DPYSL2: variants seen among roughly 807,000 people sequenced by gnomAD.
DPYSL2 encodes the protein dihydropyrimidinase like 2.
DPYSL2 carries 13 observed loss-of-function variants against 69.9 expected under a neutral mutation model. That is an observed-to-expected ratio of 0.19 (90% CI 0.12 to 0.30). The LOEUF (loss-of-function observed/expected upper bound fraction) is 0.30, where lower values mean the gene tolerates loss of function less well. Ranked by LOEUF, DPYSL2 falls within the 10% of genes least tolerant of loss-of-function variation. The probability of loss-of-function intolerance (pLI) is 1.00; values close to 1 mark genes in which losing one functional copy is unlikely to be tolerated. For missense variants in DPYSL2, 587 were observed against 918.9 expected (o/e 0.64, Z 4.67); for synonymous variants, 326 against 359.1 (o/e 0.91, Z 1.04).
At chr8:26,534,342 G>A (rs903372248) in intron 1 of DPYSL2, among the ~76,000 whole-genome samples, 1 of 151,946 alleles carries the variant, frequency 6.6e-6, no homozygotes, top group Non-Finnish European at 1.5e-5. Flanking sequence ...CACCACACTT[G>A]GCTACATTTT....
At chr8:26,568,296 G>C (rs1801183992) in intron 1 of DPYSL2, among the ~76,000 whole-genome samples, 1 of 152,178 alleles carries the variant, frequency 6.6e-6, no homozygotes, top group South Asian at 2.1e-4. Flanking sequence ...AGCTGGTAAA[G>C]CATTGGTAAA....
chr8:26,614,735 A>G lies in DPYSL2; in HGVS notation c.629-9408A>G, dbSNP rs909896158. On this transcript the variant is annotated intron_variant, in intron 3 of 13. Transcript: ENST00000521913. The surrounding 1 kb of genome is among the most constrained non-coding windows in gnomAD (Gnocchi z 4.9). The stretch of plus-strand genomic sequence containing the variant: ...CTGGTTTAGTTTTAAAAGCAAACTT[A>G]CATTGAACAAAGTGTAGGAAAGAGA... Among the ~76,000 whole-genome samples the G allele has an allele frequency of 6.6e-6, 1 of 152,208 alleles. No homozygotes were observed. Among genetic ancestry groups the G allele is most frequent in the Admixed American group, 6.5e-5 (1 of 15,290 alleles).
chr8:26,639,095 T>C (rs1053827241), intron 8 of DPYSL2, among the ~76,000 whole-genome samples: 2 of 152,236 alleles, frequency 1.3e-5, no homozygotes, highest in African/African-American at 4.8e-5. Context: ...AGACCTCTTA[T>C]GTCCTGTGGG....
chr8:26,527,859 G>C (rs1484670343), intron 1 of DPYSL2, among the ~76,000 whole-genome samples: 1 of 140,944 alleles, frequency 7.1e-6, no homozygotes, highest in Non-Finnish European at 1.5e-5. Context: ...CTGGAGTATA[G>C]TGGCGGGATC....
intron 3 of DPYSL2, among the ~76,000 whole-genome samples, chr8:26,615,614 TCTG>T (rs1015049967): frequency 6.6e-5 from 10 of 152,132 alleles, no homozygotes; most frequent in Middle Eastern, 3.2e-3. Flanking sequence ...CTGAGCACCT[TCTG>T]TATACCAGTC....
intron 3 of DPYSL2, among the ~76,000 whole-genome samples, chr8:26,615,395 C>T (rs1272047178): frequency 6.6e-6 from 1 of 152,164 alleles, no homozygotes; most frequent in African/African-American, 2.4e-5. Context: ...CCCTCCGCAT[C>T]CATTAGGAGG....
At chr8:26,567,691 C>T (rs1024358979) in intron 1 of DPYSL2, among the ~76,000 whole-genome samples, 3 of 152,162 alleles carry the variant, frequency 2.0e-5, no homozygotes, top group Non-Finnish European at 4.4e-5. Flanking sequence ...GTGAGGGGTC[C>T]AAGAGGGCCT....
rs1452665318 is a variant in DPYSL2, at chr8:26,652,707, T to C, written c.1776+271T>C. 6.6e-6 allele frequency among the ~76,000 whole-genome samples: 1 copy of C among 151,740 alleles called. No individual in the cohort carries two copies. The highest frequency in any genetic ancestry group is 6.6e-5 in the Admixed American group (1 of 15,230). On this transcript the variant is annotated intron_variant, in intron 12 of 13. Coordinates refer to ENST00000521913, the MANE Select transcript of DPYSL2 (RefSeq NM_001197293.3). This position sits in a 1 kb window ranked among gnomAD's most constrained non-coding sequence, Gnocchi z 6.3. ...CCAGAGGAGGGAGCCACTGCTGTAGTTGGGGAGAGTGTCATGGGGAGAGGA... is the reference window on the plus strand; with the variant it reads ...CCAGAGGAGGGAGCCACTGCTGTAGCTGGGGAGAGTGTCATGGGGAGAGGA...
intron 3 of DPYSL2, among the ~76,000 whole-genome samples, chr8:26,604,307 C>T (rs1802059720): frequency 6.6e-6 from 1 of 152,158 alleles, no homozygotes; most frequent in African/African-American, 2.4e-5. Context: ...AGTCAGATGG[C>T]CACATTTGCA....
At chr8:26,563,460 T>A (rs916224242) in intron 1 of DPYSL2, among the ~76,000 whole-genome samples, 1 of 152,252 alleles carries the variant, frequency 6.6e-6, no homozygotes, top group Non-Finnish European at 1.5e-5. Flanking sequence ...AGTCCTGAAC[T>A]TAGCTCCCAG....
chr8:26,519,487 T>C (rs1247701703), intron 1 of DPYSL2, among the ~76,000 whole-genome samples: 1 of 152,248 alleles, frequency 6.6e-6, no homozygotes, highest in Non-Finnish European at 1.5e-5. Context: ...TAGAATGTGC[T>C]TTTAAATTCT....
In DPYSL2 at chr8:26,653,159, C is replaced by T. The variant is rs1803312247; in HGVS notation, c.1777-73C>T. 2.0e-6 allele frequency: 3 copies of T among 1,527,272 alleles called. No individual in the cohort carries two copies. The highest frequency in any genetic ancestry group is 1.3e-5 in the South Asian group (1 of 79,184). The allele number at this position is 1,527,272 out of a possible 1,614,324, so 94.6% of individuals were successfully genotyped here. A position where few individuals can be genotyped will look rare whatever the true frequency, so the allele number is the denominator to read the frequency against. ...CCCTAGATCTCACAGGCCCATCCTCCCTCCAGGAGGGTTTCTAGAGAGGTA... is the reference window on the plus strand; with the variant it reads ...CCCTAGATCTCACAGGCCCATCCTCTCTCCAGGAGGGTTTCTAGAGAGGTA... On this transcript the variant is annotated intron_variant, in intron 12 of 13. Transcript: ENST00000521913. This position sits in a 1 kb window ranked among gnomAD's most constrained non-coding sequence, Gnocchi z 5.7.
chr8:26,592,462 GTT>G (rs56357770), intron 3 of DPYSL2, among the ~76,000 whole-genome samples: 12 of 138,998 alleles, frequency 8.6e-5, no homozygotes, highest in East Asian at 6.3e-4. Flanking sequence ...TGGTACATTA[GTT>G]TTTTTTTTTT....
rs538052526 is a variant in DPYSL2, at chr8:26,650,099, A to G, written c.1597-2158A>G. On this transcript the variant is annotated intron_variant, in intron 11 of 13. Coordinates refer to ENST00000521913, the MANE Select transcript of DPYSL2 (RefSeq NM_001197293.3). The surrounding 1 kb of genome is among the most constrained non-coding windows in gnomAD (Gnocchi z 5.3). ...ACAGTGAATGAGTGAAGATTTTCTA[A>G]ATGCCTACTGTGAGCCAAATAGTGA... Among the ~76,000 whole-genome samples the G allele has an allele frequency of 4.3e-4, 65 of 152,324 alleles. No individual in the cohort carries two copies. Among genetic ancestry groups the G allele is most frequent in the African/African-American group, 1.3e-3 (54 of 41,578 alleles).
At chr8:26,563,293 G>A (rs1170378906) in intron 1 of DPYSL2, among the ~76,000 whole-genome samples, 1 of 152,120 alleles carries the variant, frequency 6.6e-6, no homozygotes, top group Non-Finnish European at 1.5e-5. Flanking sequence ...GTCTTCCCAT[G>A]TTTTTGTTTT....
intron 1 of DPYSL2, among the ~76,000 whole-genome samples, chr8:26,544,706 C>T (rs1332700561): frequency 2.0e-5 from 3 of 152,126 alleles, no homozygotes; most frequent in Non-Finnish European, 2.9e-5. Context: ...TCTAAAAGTC[C>T]TTTTGAGAAG....
chr8:26,577,055 G>T, intron 1 of DPYSL2: 2 of 403,980 alleles, frequency 5.0e-6, no homozygotes, highest in Non-Finnish European at 9.9e-6. Flanking sequence ...CCTCGCGGCC[G>T]GAAGGCACAA....
At position 26,656,737 on chromosome 8, in the gene DPYSL2, C is replaced by G. The variant is rs919182514; in HGVS notation, c.*1031C>G. 6.5e-6 allele frequency: 1 copy of G among 152,752 alleles called. No individual in the cohort carries two copies. The highest frequency in any genetic ancestry group is 2.4e-5 in the African/African-American group (1 of 41,448). 9.5% of individuals were successfully genotyped at this position (152,752 alleles called of 1,614,324 possible). A position where few individuals can be genotyped will look rare whatever the true frequency, so the allele number is the denominator to read the frequency against. On this transcript the variant is annotated 3_prime_UTR_variant, in exon 14 of 14. Coordinates refer to ENST00000521913, the MANE Select transcript of DPYSL2 (RefSeq NM_001197293.3). Reference sequence around the variant, plus strand: ...CCACCTGCCATCATGAGGATGTGTGCTAGAGTGTGGGACCCTGGCCAAGTG... The same window carrying G: ...CCACCTGCCATCATGAGGATGTGTGGTAGAGTGTGGGACCCTGGCCAAGTG...
At chr8:26,544,453 G>A (rs1424542544) in intron 1 of DPYSL2, among the ~76,000 whole-genome samples, 2 of 152,142 alleles carry the variant, frequency 1.3e-5, no homozygotes, top group Non-Finnish European at 2.9e-5. Context: ...TTACCACTAC[G>A]TTTAATATAC....
Sources: gnomAD v4.1 joint callset for allele counts (sites outside exome capture counted in the v4.1 genomes callset) on GRCh38, gnomAD v4.1.1 for gene constraint, Gnocchi (gnomAD v3.1) non-coding constraint, MANE v1.5 for transcripts, NCBI Gene and HGNC (gene_info 2026-07-23, HGNC 2026-07-21) for gene names.